The following SUB1 variants were observed in gnomAD, a reference collection of about 807,000 sequenced individuals.
SUB1 encodes SUB1 regulator of transcription.
SUB1 carries 1 observed loss-of-function variant against 16.9 expected under a neutral mutation model. The ratio of observed to expected loss-of-function variants is 0.06; its 90% CI spans 0.02 to 0.28. The LOEUF is 0.28. Ranked by LOEUF, SUB1 falls within the 10% of genes least tolerant of loss-of-function variation. The probability of loss-of-function intolerance (pLI) is 1.00; values close to 1 mark genes in which losing one functional copy is unlikely to be tolerated. For missense variants in SUB1, 84 were observed against 145.2 expected (o/e 0.58, Z 2.16); for synonymous variants, 51 against 46.9 (o/e 1.09, Z -0.36).
In SUB1 at chr5:32,590,762, A is replaced by ATTTTTT. The variant is rs70961652; in HGVS notation, c.73-783_73-778dup. On this transcript the variant is annotated intron_variant, in intron 2 of 4. Transcript: ENST00000265073. ...AGGCGTGTGCCACCACGCCTGGCTA[A>ATTTTTT]TTTTTTTTTTTTTTTTTTTTTTTGA... 1.5e-3 allele frequency among the ~76,000 whole-genome samples: 52 copies of ATTTTTT among 33,980 alleles called. 8 individuals are homozygous for ATTTTTT. In the South Asian group the frequency reaches 0.021, roughly 14 times the overall value. 22.3% of individuals were successfully genotyped at this position (33,980 alleles called of 152,430 possible). A position where few individuals can be genotyped will look rare whatever the true frequency, so the allele number is the denominator to read the frequency against.
intron 3 of SUB1, among the ~76,000 whole-genome samples, chr5:32,593,854 CA>C (rs2111669471): frequency 6.6e-6 from 1 of 152,268 alleles, no homozygotes; most frequent in Non-Finnish European, 1.5e-5. Context: ...CCACCACCCC[CA>C]GCCAATTTTT....
At position 32,590,741 on chromosome 5, in the gene SUB1, G is replaced by A. The variant is rs547907683; in HGVS notation, c.73-822G>A. The stretch of plus-strand genomic sequence containing the variant: ...CTTCCGAGTAGCTGGGATTACAGGC[G>A]TGTGCCACCACGCCTGGCTAATTTT... On this transcript the variant is annotated intron_variant, in intron 2 of 4. Coordinates refer to ENST00000265073, the MANE Select transcript of SUB1 (RefSeq NM_006713.4). 4.8e-3 allele frequency among the ~76,000 whole-genome samples: 651 copies of A among 135,132 alleles called. 3 individuals are homozygous for A. The highest frequency in any genetic ancestry group is 0.023 in the Middle Eastern group (6 of 256). The allele number at this position is 135,132 out of a possible 152,430, so 88.7% of individuals were successfully genotyped here. A position where few individuals can be genotyped will look rare whatever the true frequency, so the allele number is the denominator to read the frequency against.
At chr5:32,597,952 G>T (rs779271404) in intron 3 of SUB1, 10 of 152,088 alleles carry the variant, frequency 6.6e-5, no homozygotes, top group Non-Finnish European at 1.0e-4. Flanking sequence ...TACGTTGTCT[G>T]TTTATAAGAT....
chr5:32,586,537 TTTAG>T (rs1343381585), intron 1 of SUB1: 1 of 152,028 alleles, frequency 6.6e-6, no homozygotes, highest in Non-Finnish European at 1.5e-5. Flanking sequence ...AGAGGCTGGT[TTTAG>T]TTACCGTTAC....
intron 3 of SUB1, chr5:32,596,540 A>G (rs1009177565): frequency 2.0e-5 from 3 of 152,192 alleles, no homozygotes; most frequent in Non-Finnish European, 4.4e-5. Context: ...TTAGGTCTAT[A>G]ATTCATGTAG....
At chr5:32,593,495 A>G (rs1013325985) in intron 3 of SUB1, among the ~76,000 whole-genome samples, 2 of 152,098 alleles carry the variant, frequency 1.3e-5, no homozygotes, top group Non-Finnish European at 2.9e-5. Flanking sequence ...CAGATGAACT[A>G]TTTAGTTCAG....
intron 2 of SUB1, among the ~76,000 whole-genome samples, chr5:32,589,272 G>A (rs10941013): frequency 0.012 from 1,889 of 152,056 alleles, 17 homozygotes; most frequent in Middle Eastern, 0.037. Context: ...GTTTTTGTAG[G>A]GACCAGGTAT....
At position 32,602,304 on chromosome 5, in the gene SUB1, G is replaced by A. The variant is rs953343308; in HGVS notation, c.*1220G>A. On this transcript the variant is annotated 3_prime_UTR_variant, in exon 5 of 5. Coordinates refer to ENST00000265073, the MANE Select transcript of SUB1 (RefSeq NM_006713.4). ...GGAATTATAACTGAAATTAAAGGAG[G>A]CGGCAGTGAAGAGGAAATAATTCTC... is the stretch of plus-strand genomic sequence containing the variant. 9.1e-6 allele frequency: 4 copies of A among 441,832 alleles called. No homozygotes were observed. Among genetic ancestry groups the A allele is most frequent in the African/African-American group, 4.1e-5 (2 of 49,324 alleles). 27.4% of individuals were successfully genotyped at this position (441,832 alleles called of 1,614,324 possible). A position where few individuals can be genotyped will look rare whatever the true frequency, so the allele number is the denominator to read the frequency against.
At position 32,591,719 on chromosome 5, in the gene SUB1, G is replaced by C. The variant is rs767820582; in HGVS notation, c.195+34G>C. The stretch of plus-strand genomic sequence containing the variant: ...GGCTATTTTTTTTTTTTTTTTTTTT[G>C]ACATGGAGTCATGCTCTGTCACCCA... On this transcript the variant is annotated intron_variant, in intron 3 of 4. Transcript: ENST00000265073. 6 of 712,078 alleles carry C rather than the reference G, an allele frequency of 8.4e-6. 1 individual carries two copies. The Admixed American group carries it at 2.3e-4, about 28-fold the overall frequency. The allele number at this position is 712,078 out of a possible 1,614,324, so 44.1% of individuals were successfully genotyped here.
At chr5:32,599,359 G>A (rs569776155) in intron 4 of SUB1, among the ~76,000 whole-genome samples, 5 of 152,312 alleles carry the variant, frequency 3.3e-5, no homozygotes, top group African/African-American at 1.2e-4. Flanking sequence ...TTCTGAAGCA[G>A]ATTAGGCACT....
chr5:32,600,681 G>A (rs1280871616), intron 4 of SUB1, among the ~76,000 whole-genome samples: 1 of 150,820 alleles, frequency 6.6e-6, no homozygotes, highest in Non-Finnish European at 1.5e-5. Context: ...TTGGCTCACT[G>A]TAACTTCCAC....
intron 3 of SUB1, chr5:32,594,485 A>G: frequency 2.2e-5 from 8 of 357,484 alleles, no homozygotes; most frequent in South Asian, 1.6e-4. Flanking sequence ...TATTTAATTT[A>G]AAATGATTAT....
rs142542213 is a variant in SUB1, at chr5:32,601,922, A to G, written c.*838A>G. 632 of 174,196 alleles carry G rather than the reference A, an allele frequency of 3.6e-3. 3 individuals carry two copies. Among genetic ancestry groups the G allele is most frequent in the African/African-American group, 0.014 (600 of 42,008 alleles). The allele number at this position is 174,196 out of a possible 1,614,324, so 10.8% of individuals were successfully genotyped here. ...TGTCTGTAACATCAGATATTGTTCA[A>G]CTAGACTAGGATTTAATAAAAATTG... On this transcript the variant is annotated 3_prime_UTR_variant, in exon 5 of 5. Transcript: ENST00000265073.
intron 2 of SUB1, among the ~76,000 whole-genome samples, 162 bp downstream of exon 2, chr5:32,588,746 A>G (rs765639980): frequency 6.6e-6 from 1 of 152,172 alleles, no homozygotes; most frequent in Non-Finnish European, 1.5e-5. Flanking sequence ...CCGAGGTGGC[A>G]GGATTGCTTG....
At chr5:32,599,490 A>AT (rs1266269881) in intron 4 of SUB1, among the ~76,000 whole-genome samples, 2 of 152,102 alleles carry the variant, frequency 1.3e-5, no homozygotes, top group Non-Finnish European at 2.9e-5. Context: ...CTTTCCTTCC[A>AT]TTTGTGCTTC....
rs1739139139 is a variant in SUB1 at position 32,602,467 on chromosome 5, T to C, written c.*1383T>C. 1 of 238,538 alleles carries C rather than the reference T, an allele frequency of 4.2e-6. No homozygotes were observed. The highest frequency in any genetic ancestry group is 2.3e-5 in the African/African-American group (1 of 43,752). The allele number at this position is 238,538 out of a possible 1,614,324, so 14.8% of individuals were successfully genotyped here. On this transcript the variant is annotated 3_prime_UTR_variant, in exon 5 of 5. Transcript: ENST00000265073. ...TTGACAAATTATTTTTGGTAGCAAA[T>C]CTCAAATGGTTACCTGCTATTAAGG...
chr5:32,590,536 C>T (rs1302754639), intron 2 of SUB1, among the ~76,000 whole-genome samples: 2 of 150,582 alleles, frequency 1.3e-5, no homozygotes, highest in African/African-American at 4.9e-5. Flanking sequence ...GAGTTGCTGG[C>T]TGTCAGTGCC....
intron 4 of SUB1, 34 bp from the exon 5 acceptor site, chr5:32,600,971 A>AT: frequency 6.3e-7 from 1 of 1,578,870 alleles, no homozygotes; most frequent in African/African-American, 1.3e-5. Flanking sequence ...GCTTAAATAG[A>AT]TTTTCACCTT....
At chr5:32,593,984 G>A (rs1032713095) in intron 3 of SUB1, among the ~76,000 whole-genome samples, 5 of 152,076 alleles carry the variant, frequency 3.3e-5, no homozygotes, top group South Asian at 2.1e-4. Context: ...GAGCCACGGC[G>A]CCCAGCCTAG....
Sources: gnomAD v4.1 joint callset for allele counts (sites outside exome capture counted in the v4.1 genomes callset) on GRCh38, gnomAD v4.1.1 for gene constraint, MANE v1.5 for transcripts, NCBI Gene and HGNC (gene_info 2026-07-23, HGNC 2026-07-21) for gene names.